The following VWF variants were observed in gnomAD, a reference collection of about 807,000 sequenced individuals.
VWF encodes von Willebrand factor.
In VWF, 176 loss-of-function variants were observed where a neutral mutation model predicts 308.6. That is an observed-to-expected ratio of 0.57 (90% CI 0.50 to 0.65). The LOEUF is 0.65. Among genes scored for constraint, VWF ranks in the 30% least tolerant of loss-of-function variants. The pLI, the probability that VWF is intolerant of heterozygous loss-of-function variation, is 0.00. For missense variants in VWF, 3,146 were observed against 3,648.2 expected, an observed-to-expected ratio of 0.86 and a Z score of 3.55; for synonymous variants, 1,385 against 1,443.4, an observed-to-expected ratio of 0.96 and a Z score of 0.92.
chr12:6,046,869 T>G lies in VWF; in HGVS notation c.2187-52A>C. 1 of 1,531,036 alleles carries G rather than the reference T, an allele frequency of 6.5e-7. No individual in the cohort carries two copies. Among genetic ancestry groups the G allele is most frequent in the South Asian group, 1.1e-5 (1 of 88,028 alleles). 94.8% of individuals were successfully genotyped at this position (1,531,036 alleles called of 1,614,324 possible). A position where few individuals can be genotyped will look rare whatever the true frequency, so the allele number is the denominator to read the frequency against. ...CTTCACGAGACTCGTCTATACTCGC[T>G]GCCTCCACATCTTCACCTCCCACTC... On this transcript the variant is annotated intron_variant, in intron 16 of 51. Coordinates refer to ENST00000261405, the MANE Select transcript of VWF (RefSeq NM_000552.5). The surrounding 1 kb of genome is among the most constrained non-coding windows in gnomAD (Gnocchi z 5.0).
intron 2 of VWF, 104 bp from the exon 3 acceptor site, chr12:6,121,442 A>T: frequency 7.0e-7 from 1 of 1,430,512 alleles, no homozygotes. Context: ...CTCTGATAGA[A>T]ACTGGGCTGT....
At position 5,967,335 on chromosome 12, in the gene VWF, A is replaced by AT. The variant is rs1833469584; in HGVS notation, c.7887+150dup. Reference sequence around the variant, plus strand: ...CTGAGGCATGCAGTTTGGGTGGGTGATTTTTAGTCTCTTCTTTATTATTGT... The same window carrying AT: ...CTGAGGCATGCAGTTTGGGTGGGTGATTTTTTAGTCTCTTCTTTATTATTGT... On this transcript the variant is annotated intron_variant, in intron 47 of 51. Transcript: ENST00000261405. The AT allele has an allele frequency of 3.4e-5, 26 of 759,926 alleles. No homozygotes were observed. In the South Asian group the frequency reaches 3.7e-4, roughly 11 times the overall value. The allele number at this position is 759,926 out of a possible 1,614,324, so 47.1% of individuals were successfully genotyped here. A position where few individuals can be genotyped will look rare whatever the true frequency, so the allele number is the denominator to read the frequency against.
Position 6,046,586 on chromosome 12 carries a change from G to C in VWF, c.2281+137C>G, listed in dbSNP as rs1316849086. The C allele has an allele frequency of 3.6e-6, 3 of 837,820 alleles. No homozygotes were observed. In the African/African-American group the frequency reaches 5.0e-5, roughly 14 times the overall value. 51.9% of individuals were successfully genotyped at this position (837,820 alleles called of 1,614,324 possible). ...CTCACACAAACCCAGAAATGAAGGC[G>C]ATCCTGGGCGAAGCCAGACCCATGC... is the stretch of plus-strand genomic sequence containing the variant. On this transcript the variant is annotated intron_variant, in intron 17 of 51. Transcript: ENST00000261405. The surrounding 1 kb of genome is among the most constrained non-coding windows in gnomAD (Gnocchi z 5.0).
At chr12:6,104,793 C>T (rs1364694955) in intron 5 of VWF, among the ~76,000 whole-genome samples, 1 of 152,120 alleles carries the variant, frequency 6.6e-6, no homozygotes, top group Non-Finnish European at 1.5e-5. Flanking sequence ...CAAAAATATA[C>T]CTGCACTAGT....
At chr12:6,065,059 G>C in intron 11 of VWF, 78 bp downstream of exon 11, 2 of 1,604,128 alleles carry the variant, frequency 1.2e-6, no homozygotes, top group Non-Finnish European at 1.7e-6. Flanking sequence ...ACGCCTTCCA[G>C]GGACTGCCCA....
chr12:6,055,243 AATCCTGCGG>A (rs1352563428), intron 15 of VWF, among the ~76,000 whole-genome samples: 27 of 152,332 alleles, frequency 1.8e-4, no homozygotes, highest in African/African-American at 6.3e-4. Context: ...TAAATTAAGA[AATCCTGCGG>A]ATGCTGCCAC....
chr12:5,969,338 G>A lies in VWF; in HGVS notation c.7602C>T (p.Val2534=). 2 of 1,614,220 alleles carry A rather than the reference G, an allele frequency of 1.2e-6. No homozygotes were observed. The highest frequency in any genetic ancestry group is 1.7e-6 in the Non-Finnish European group (2 of 1,180,040). The change falls in exon 45 of 52, where the codon GTC becomes GTT. Residue 2534 remains valine, a synonymous_variant. Transcript: ENST00000261405. ...GTATAAAGACCTCCTCCTTCACTCG[G>A]ACACACTCATTGATGAGGCAGGGGT... ...PENPCLINEC[V]RVKEEVFIQQ... is the part of the protein sequence containing the mutation.
chr12:5,979,736 G>A (rs1291985050), intron 42 of VWF, among the ~76,000 whole-genome samples: 23 of 135,066 alleles, frequency 1.7e-4, no homozygotes, highest in African/African-American at 3.7e-4. Context: ...GCCACAGAGC[G>A]ACTCAAAAAA....
Position 6,034,812 on chromosome 12 carries a change from C to T in VWF, c.2561G>A (p.Arg854Gln), listed in dbSNP as rs41276738. 8,000 of 1,614,214 alleles carry T rather than the reference C, an allele frequency of 5.0e-3. 26 individuals carry two copies. Among genetic ancestry groups the T allele is most frequent in the Non-Finnish European group, 6.0e-3 (7,050 of 1,180,026 alleles). Residue 854 changes from arginine (R) to glutamine (Q), a missense_variant, in exon 20 of 52, where the codon CGG becomes CAG. Physicochemically the swap from Arg to Gln is conservative, Grantham distance 43. Transcript: ENST00000261405. ...IGCNTCVCQD[R>Q]KWNCTDHVCD... ...CACATGGTCTGTGCAGTTCCACTTC[C>T]GGTCCTGACAGACACTAGGAGCAGT... is the stretch of plus-strand genomic sequence containing the variant.
intron 42 of VWF, 123 bp from the exon 43 acceptor site, chr12:5,976,383 G>A: frequency 7.8e-7 from 1 of 1,275,358 alleles, no homozygotes; most frequent in Non-Finnish European, 1.1e-6. Flanking sequence ...AACCAAATGT[G>A]GTCTCCGCCC....
intron 34 of VWF, among the ~76,000 whole-genome samples, chr12:6,010,397 T>TG (rs1943981266): frequency 6.6e-6 from 1 of 152,208 alleles, no homozygotes. Context: ...ACCAAACTGA[T>TG]GGACATTCCA....
At chr12:6,082,712 C>T (rs1944927354) in intron 6 of VWF, among the ~76,000 whole-genome samples, 1 of 152,220 alleles carries the variant, frequency 6.6e-6, no homozygotes, top group Admixed American at 6.5e-5. Context: ...GTCCATAAAT[C>T]TTCTTTGACC....
intron 3 of VWF, among the ~76,000 whole-genome samples, chr12:6,115,659 A>G (rs893096193): frequency 4.6e-5 from 7 of 152,184 alleles, no homozygotes; most frequent in African/African-American, 1.2e-4. Flanking sequence ...ACTTCATTTT[A>G]CAGACGGAGA....
Position 5,997,706 on chromosome 12 carries a change from AAT to A in VWF, c.5843-1486_5843-1485del, listed in dbSNP as rs1223356027. Among the ~76,000 whole-genome samples the A allele has an allele frequency of 5.9e-5, 9 of 152,346 alleles. No individual in the cohort carries two copies. In the East Asian group the frequency reaches 1.7e-3, roughly 29 times the overall value. On this transcript the variant is annotated intron_variant, in intron 34 of 51. Transcript: ENST00000261405. ...TATGAATAAGACACAAAATAAATTC[AAT>A]AGTTTGTAAATTGCTGTATTGTAGG...
chr12:6,046,793 G>A lies in VWF; in HGVS notation c.2211C>T (p.His737=). Residue 737 remains histidine (H), a synonymous_variant, in exon 17 of 52, where the codon CAC becomes CAT. Transcript: ENST00000261405. The surrounding 1 kb of genome is among the most constrained non-coding windows in gnomAD (Gnocchi z 5.0). ...TMCYCEDGFM[H]CTMSGVPGSL... The stretch of plus-strand genomic sequence containing the variant: ...TTCCGGGGACTCCACTCATGGTACA[G>A]TGCATGAAGCCATCCTCACAGTAGC... 1.9e-6 allele frequency: 3 copies of A among 1,614,128 alleles called. No homozygotes were observed. Among genetic ancestry groups the A allele is most frequent in the Non-Finnish European group, 2.5e-6 (3 of 1,180,032 alleles).
At chr12:6,061,310 G>A (rs1005882754) in intron 13 of VWF, among the ~76,000 whole-genome samples, 2 of 152,084 alleles carry the variant, frequency 1.3e-5, no homozygotes, top group African/African-American at 4.8e-5. Flanking sequence ...CCGAGTTCTG[G>A]TCCTTGCCCG....
chr12:6,091,539 G>A (rs1169438220), intron 6 of VWF, among the ~76,000 whole-genome samples: 3 of 152,054 alleles, frequency 2.0e-5, no homozygotes. Context: ...TAATGAAAGA[G>A]TTTTGGTTTT....
chr12:5,965,269 GTCC>G (rs1943389098), intron 47 of VWF, among the ~76,000 whole-genome samples: 1 of 152,120 alleles, frequency 6.6e-6, no homozygotes, highest in African/African-American at 2.4e-5. Context: ...TCACACAGTT[GTCC>G]TCCTAAAACT....
chr12:5,998,752 A>G (rs1943839919), intron 34 of VWF, among the ~76,000 whole-genome samples: 1 of 151,998 alleles, frequency 6.6e-6, no homozygotes, highest in South Asian at 2.1e-4. Context: ...TTCCAAGAGA[A>G]GTGTCACTCT....
Sources: allele counts gnomAD v4.1 joint callset (sites outside exome capture counted in the v4.1 genomes callset), GRCh38; gene constraint gnomAD v4.1.1; non-coding constraint Gnocchi (gnomAD v3.1); transcripts MANE v1.5; gene names NCBI Gene and HGNC (gene_info 2026-07-23, HGNC 2026-07-21).